BORCS5: variants seen among roughly 807,000 people sequenced by gnomAD.
BORCS5 encodes BLOC-1-related complex subunit 5.
BORCS5 carries 17 observed loss-of-function variants against 22.1 expected under a neutral mutation model. That is an observed-to-expected ratio of 0.77 (90% CI 0.53 to 1.15). BORCS5 has a LOEUF of 1.15. Ranked by LOEUF, BORCS5 falls within the 50% of genes most tolerant of loss-of-function variation. The pLI, the probability that BORCS5 is intolerant of heterozygous loss-of-function variation, is 0.00. For missense variants in BORCS5, 247 were observed against 253.2 expected (o/e 0.98, Z 0.17); for synonymous variants, 117 against 99.8 (o/e 1.17, Z -1.03).
chr12:12,415,500 G>T (rs1436449967), intron 2 of BORCS5, among the ~76,000 whole-genome samples: 1 of 140,384 alleles, frequency 7.1e-6, no homozygotes, highest in Admixed American at 7.2e-5. Flanking sequence ...GATGGCAGCA[G>T]TACTGTCCAG....
At chr12:12,460,985 A>G (rs746924585) in intron 3 of BORCS5, among the ~76,000 whole-genome samples, 1 of 152,164 alleles carries the variant, frequency 6.6e-6, no homozygotes, top group Non-Finnish European at 1.5e-5. Context: ...CATTCTACAG[A>G]TGCCTAATAA....
At position 12,414,166 on chromosome 12, in the gene BORCS5, C is replaced by A. The variant is rs74316396; in HGVS notation, c.203-21462C>A. On this transcript the variant is annotated intron_variant, in intron 2 of 3. Coordinates refer to ENST00000314565, the MANE Select transcript of BORCS5 (RefSeq NM_058169.6). ...GGCTGGCCGGGCGGGGGGCTGACCCCCCCACCTCCCTCCCGGATGGGGCGG... is the reference window on the plus strand; with the variant it reads ...GGCTGGCCGGGCGGGGGGCTGACCCACCCACCTCCCTCCCGGATGGGGCGG... Among the ~76,000 whole-genome samples, 901 of 101,982 alleles carry A rather than the reference C, an allele frequency of 8.8e-3. 9 individuals carry two copies. Among genetic ancestry groups the A allele is most frequent in the Non-Finnish European group, 0.013 (621 of 46,992 alleles). The allele number at this position is 101,982 out of a possible 152,430, so 66.9% of individuals were successfully genotyped here.
chr12:12,435,502 CAT>C (rs1942535368), intron 2 of BORCS5, 124 bp from the exon 3 acceptor site: 2 of 782,544 alleles, frequency 2.6e-6, no homozygotes, highest in African/African-American at 3.5e-5. Flanking sequence ...TTGTCATTAA[CAT>C]ATAACAAAAG....
intron 2 of BORCS5, among the ~76,000 whole-genome samples, chr12:12,411,383 C>A (rs1941727578): frequency 6.6e-6 from 1 of 152,034 alleles, no homozygotes. Flanking sequence ...CCATTTGTAT[C>A]TCTTATTTGG....
intron 2 of BORCS5, among the ~76,000 whole-genome samples, chr12:12,373,288 A>C (rs1863571208): frequency 6.6e-6 from 1 of 152,240 alleles, no homozygotes; most frequent in South Asian, 2.1e-4. Context: ...AACTGTGAGA[A>C]ATAAATGTAT....
intron 2 of BORCS5, among the ~76,000 whole-genome samples, chr12:12,368,992 A>G (rs897441554): frequency 2.0e-5 from 3 of 152,126 alleles, no homozygotes; most frequent in South Asian, 4.1e-4. Context: ...TTGTGTGTGC[A>G]TATTGATTTA....
At position 12,358,083 on chromosome 12, in the gene BORCS5, C is replaced by T. The variant is rs1360173593; in HGVS notation, c.58+574C>T. ...TTGTTCTCTGTCCATGATTTTTAGA[C>T]TTCTCTAAGCGTTTGAGACAAGAAT... On this transcript the variant is annotated intron_variant, in intron 1 of 3. Transcript: ENST00000314565. 3.9e-5 allele frequency among the ~76,000 whole-genome samples: 6 copies of T among 152,184 alleles called. No homozygotes were observed. The East Asian group carries it at 9.6e-4, about 24-fold the overall frequency.
chr12:12,396,443 G>T (rs1420731740), intron 2 of BORCS5, among the ~76,000 whole-genome samples: 1 of 152,208 alleles, frequency 6.6e-6, no homozygotes, highest in Non-Finnish European at 1.5e-5. Context: ...CCTGCGGAGG[G>T]TGGGGTGGGT....
intron 3 of BORCS5, among the ~76,000 whole-genome samples, chr12:12,437,066 A>G (rs1361348202): frequency 6.6e-6 from 1 of 152,150 alleles, no homozygotes; most frequent in South Asian, 2.1e-4. Flanking sequence ...TCATTATTTT[A>G]ATAAGATGTT....
chr12:12,381,474 G>A (rs1863773759), intron 2 of BORCS5, among the ~76,000 whole-genome samples: 1 of 151,204 alleles, frequency 6.6e-6, no homozygotes, highest in Non-Finnish European at 1.5e-5. Flanking sequence ...TTCCCTTATT[G>A]AATTATCTCA....
intron 2 of BORCS5, among the ~76,000 whole-genome samples, chr12:12,362,645 T>TTTC (rs1863314686): frequency 7.2e-6 from 1 of 139,240 alleles, no homozygotes; most frequent in Non-Finnish European, 1.6e-5. Flanking sequence ...TCTTTTTTTT[T>TTTC]TTTTTTTTTT....
chr12:12,377,176 CT>C (rs34400274), intron 2 of BORCS5, among the ~76,000 whole-genome samples: 10,899 of 139,956 alleles, frequency 0.078, 506 homozygotes, highest in Admixed American at 0.11. Flanking sequence ...AGATTTTGTC[CT>C]TTTTTTTTTT....
intron 2 of BORCS5, among the ~76,000 whole-genome samples, chr12:12,371,487 T>C (rs1411425084): frequency 2.0e-5 from 3 of 151,942 alleles, no homozygotes; most frequent in African/African-American, 7.3e-5. Flanking sequence ...AGAGATGGGG[T>C]TTCCCAATGT....
intron 2 of BORCS5, among the ~76,000 whole-genome samples, chr12:12,390,485 ACAGAAAGTTATGGT>A (rs1485333910): frequency 1.3e-5 from 2 of 152,094 alleles, no homozygotes; most frequent in Non-Finnish European, 2.9e-5. Flanking sequence ...AACTAGAAAT[ACAGAAAGTTATGGT>A]CAGAAAGCCG....
At chr12:12,396,849 C>A (rs536821129) in intron 2 of BORCS5, among the ~76,000 whole-genome samples, 1 of 152,126 alleles carries the variant, frequency 6.6e-6, no homozygotes, top group Admixed American at 6.5e-5. Flanking sequence ...TGAACAGCTG[C>A]GGTCTTTCCG....
chr12:12,388,438 C>G (rs962909877), intron 2 of BORCS5, among the ~76,000 whole-genome samples: 1 of 150,922 alleles, frequency 6.6e-6, no homozygotes, highest in Non-Finnish European at 1.5e-5. Context: ...AACTGCTGGC[C>G]GAGGATAGTT....
chr12:12,409,416 C>CTGTGTCCA (rs1941667702), intron 2 of BORCS5, among the ~76,000 whole-genome samples: 2 of 151,574 alleles, frequency 1.3e-5, no homozygotes, highest in Admixed American at 6.6e-5. Context: ...GTTTCCCTTC[C>CTGTGTCCA]TGTGTCCATG....
intron 2 of BORCS5, among the ~76,000 whole-genome samples, chr12:12,423,438 C>CTTTT (rs939681383): frequency 3.5e-5 from 2 of 57,242 alleles, no homozygotes; most frequent in African/African-American, 6.4e-5. Context: ...ACTCCCTCAG[C>CTTTT]TTTTTTTTTT....
rs146576519 is a variant in BORCS5 at position 12,392,873 on chromosome 12, G to C, written c.202+31524G>C. Among the ~76,000 whole-genome samples, 116 of 152,066 alleles carry C rather than the reference G, an allele frequency of 7.6e-4. 1 individual carries two copies. The highest frequency in any genetic ancestry group is 2.8e-3 in the African/African-American group (114 of 41,418). ...TGGCACCCATGTAATATTAGAAGAG[G>C]GTTATATTCTGAGTCGTCTCTTCTG... On this transcript the variant is annotated intron_variant, in intron 2 of 3. Coordinates refer to ENST00000314565, the MANE Select transcript of BORCS5 (RefSeq NM_058169.6).
Sources: allele counts gnomAD v4.1 joint callset (sites outside exome capture counted in the v4.1 genomes callset), GRCh38; gene constraint gnomAD v4.1.1; transcripts MANE v1.5; gene names NCBI Gene and HGNC (gene_info 2026-07-23, HGNC 2026-07-21).